Variants in PRRC2C observed in about 807,000 individuals in gnomAD.
PRRC2C encodes protein PRRC2C.
Under a neutral mutation model 317.2 loss-of-function variants are expected in PRRC2C, and 72 were observed. That is an observed-to-expected ratio of 0.23 (90% CI 0.19 to 0.28). PRRC2C has a LOEUF of 0.28. PRRC2C is among the 10% of genes least tolerant of loss of function. The pLI, the probability that PRRC2C is intolerant of heterozygous loss-of-function variation, is 1.00. For synonymous variants in PRRC2C, 1,296 were observed against 1,205.9 expected, an observed-to-expected ratio of 1.07 and a Z score of -1.55; for missense variants, 3,074 against 3,459.7, an observed-to-expected ratio of 0.89 and a Z score of 2.80.
intron 1 of PRRC2C, among the ~76,000 whole-genome samples, chr1:171,505,543 T>C (rs1670016186): frequency 1.3e-5 from 2 of 151,078 alleles, no homozygotes; most frequent in Non-Finnish European, 2.9e-5. Flanking sequence ...CCCTTCCAAT[T>C]TGAATTTTTT....
rs1676130216 is a variant in PRRC2C, at chr1:171,532,901, A to G, written c.1813A>G (p.Arg605Gly). Reference sequence around the variant, plus strand: ...AAAATTAGAGGAGAAAATTGAACCCAGAGAACCTAATTTAGAGCCCATGGT... The same window carrying G: ...AAAATTAGAGGAGAAAATTGAACCCGGAGAACCTAATTTAGAGCCCATGGT... ...REKLEEKIEP[R>G]EPNLEPMVEK... The change falls in exon 12 of 35, where the codon AGA (arginine) becomes GGA (glycine). Residue 605 changes from arginine (R) to glycine (G), a missense_variant. By Grantham distance (125) the Arg-to-Gly change is moderately radical. Around this residue, in one of 11 missense-constraint regions of PRRC2C, gnomAD observed 1,320 missense variants for 1,395.7 expected, o/e 0.95. Coordinates refer to ENST00000647382, the MANE Select transcript of PRRC2C (RefSeq NM_001387844.1). 6 of 1,577,640 alleles carry G rather than the reference A, an allele frequency of 3.8e-6. No homozygotes were observed. Among genetic ancestry groups the G allele is most frequent in the African/African-American group, 2.8e-5 (2 of 72,408 alleles).
intron 1 of PRRC2C, among the ~76,000 whole-genome samples, chr1:171,497,168 A>G (rs1417609823): frequency 1.3e-5 from 2 of 152,162 alleles, no homozygotes; most frequent in Admixed American, 6.5e-5. Context: ...CTATATTGTA[A>G]TGCAGTATGT....
At chr1:171,496,774 C>CGTGT (rs71688813) in intron 1 of PRRC2C, among the ~76,000 whole-genome samples, 7,480 of 146,788 alleles carry the variant, frequency 0.051, 251 homozygotes, top group African/African-American at 0.092. Context: ...ACATTTGGGG[C>CGTGT]GTGTGTGTGT....
chr1:171,486,516 T>C (rs1396177824), intron 1 of PRRC2C, among the ~76,000 whole-genome samples: 1 of 152,130 alleles, frequency 6.6e-6, no homozygotes, highest in African/African-American at 2.4e-5. Context: ...CTTCCTTCCT[T>C]TGCATGAGAG....
chr1:171,535,445 A>C lies in PRRC2C; in HGVS notation c.1891A>C (p.Thr631Pro), dbSNP rs751349754. The change falls in exon 13 of 35, where the codon ACT becomes CCT. Residue 631 changes from threonine to proline, a missense_variant. This residue lies in a region of PRRC2C where 1,320 missense variants were observed against 1,395.7 expected (regional missense o/e 0.95). Transcript: ENST00000647382. ...TTGAGCAGAGGAGGAACCCGTTTTC[A>C]CTAGACAAGACAGCAATCGCAGTGA... is the stretch of plus-strand genomic sequence containing the variant. ...SCNKEEEPVF[T>P]RQDSNRSEKE... 6.2e-7 allele frequency: 1 copy of C among 1,613,262 alleles called. No individual in the cohort carries two copies. The highest frequency in any genetic ancestry group is 2.2e-5 in the East Asian group (1 of 44,876).
Position 171,591,792 on chromosome 1 carries a change from T to C in PRRC2C, c.8642T>C (p.Val2881Ala). ...GCACCCTCCATAGCCACCAAACCTGTTAGAACTGGACCAATCAAACCTCAG... is the reference window on the plus strand; with the variant it reads ...GCACCCTCCATAGCCACCAAACCTGCTAGAACTGGACCAATCAAACCTCAG... The part of the protein sequence containing the change: ...PPAPSIATKP[V>A]RTGPIKPQAI... The change falls in exon 35 of 35, where the codon GTT (valine) becomes GCT (alanine). Residue 2881 changes from valine (V) to alanine (A), a missense_variant. This residue lies in a region of PRRC2C where 78 missense variants were observed against 97.7 expected (regional missense o/e 0.80). Coordinates refer to ENST00000647382, the MANE Select transcript of PRRC2C (RefSeq NM_001387844.1). 6.2e-7 allele frequency: 1 copy of C among 1,609,360 alleles called. No homozygotes were observed. Among genetic ancestry groups the C allele is most frequent in the Non-Finnish European group, 8.5e-7 (1 of 1,179,012 alleles).
chr1:171,489,236 G>C (rs1172145401), intron 1 of PRRC2C, among the ~76,000 whole-genome samples: 2 of 152,184 alleles, frequency 1.3e-5, no homozygotes, highest in African/African-American at 4.8e-5. Flanking sequence ...TCTAAGAATA[G>C]TATCACAGGT....
In PRRC2C at chr1:171,540,485, G is replaced by C; in HGVS notation, c.3019G>C (p.Val1007Leu). The C allele has an allele frequency of 6.2e-7, 1 of 1,613,138 alleles. No individual in the cohort carries two copies. ...PRPSSNRREE[V>L]NDRPVRRSGP... Reference sequence around the variant, plus strand: ...ACCAAGCTCTAACAGAAGGGAAGAAGTTAATGATAGACCTGTGAGAAGATC... The same window carrying C: ...ACCAAGCTCTAACAGAAGGGAAGAACTTAATGATAGACCTGTGAGAAGATC... The change falls in exon 16 of 35, where the codon GTT (valine) becomes CTT (leucine). Residue 1007 changes from valine (V) to leucine (L), a missense_variant. Physicochemically the swap from Val to Leu is conservative, Grantham distance 32. Around this residue, in one of 11 missense-constraint regions of PRRC2C, gnomAD observed 1,320 missense variants for 1,395.7 expected, o/e 0.95. Coordinates refer to ENST00000647382, the MANE Select transcript of PRRC2C (RefSeq NM_001387844.1).
At position 171,566,259 on chromosome 1, in the gene PRRC2C, A is replaced by G. The variant is rs141290800; in HGVS notation, c.6144A>G (p.Gly2048=). 6.1e-4 allele frequency: 986 copies of G among 1,611,374 alleles called. 6 individuals carry two copies. The African/African-American group carries it at 8.0e-3, about 13-fold the overall frequency. The change falls in exon 21 of 35, where the codon GGA becomes GGG. Residue 2048 remains glycine, a synonymous_variant. Coordinates refer to ENST00000647382, the MANE Select transcript of PRRC2C (RefSeq NM_001387844.1). ...SEGAKNGQES[G]LEIGTDTIQF... ...GAGCGAAGAATGGTCAAGAAAGTGGACTCGAAATTGGAACTGACACAATTC... is the reference window on the plus strand; with the variant it reads ...GAGCGAAGAATGGTCAAGAAAGTGGGCTCGAAATTGGAACTGACACAATTC...
chr1:171,541,649 A>G lies in PRRC2C; in HGVS notation c.4183A>G (p.Arg1395Gly), dbSNP rs1460114054. The G allele has an allele frequency of 6.2e-7, 1 of 1,613,876 alleles. No individual in the cohort carries two copies. The highest frequency in any genetic ancestry group is 1.1e-5 in the South Asian group (1 of 91,074). The stretch of plus-strand genomic sequence containing the variant: ...ACCAGAAGATGGAGAGCCGCCAAGA[A>G]GACATGAGCAGTTTATTCCTATAGC... Reference protein sequence around the residue: ...PKPEDGEPPRRHEQFIPIAAD... With the variant: ...PKPEDGEPPRGHEQFIPIAAD... Residue 1395 changes from arginine (R) to glycine (G), a missense_variant, in exon 16 of 35, where the codon AGA becomes GGA. Coordinates refer to ENST00000647382, the MANE Select transcript of PRRC2C (RefSeq NM_001387844.1). This position sits in a 1 kb window ranked among gnomAD's most constrained non-coding sequence, Gnocchi z 4.1.
At chr1:171,586,530 G>A (rs1463476765) in intron 30 of PRRC2C, among the ~76,000 whole-genome samples, 1 of 142,866 alleles carries the variant, frequency 7.0e-6, no homozygotes, top group Non-Finnish European at 1.6e-5. Context: ...ATTAGTAGAT[G>A]GATGTGTTCT....
rs572999880 is a variant in PRRC2C, at chr1:171,591,572, T to C, written c.8437-15T>C. On this transcript the variant is annotated splice_polypyrimidine_tract_variant and intron_variant, in intron 34 of 34. Transcript: ENST00000647382. Reference sequence around the variant, plus strand: ...ATGCTGCAGTATTTTCAGTTGTTCTTTCTCATTTTTTAAGGCAAAGCAGAG... The same window carrying C: ...ATGCTGCAGTATTTTCAGTTGTTCTCTCTCATTTTTTAAGGCAAAGCAGAG... 6 of 1,606,678 alleles carry C rather than the reference T, an allele frequency of 3.7e-6. No individual in the cohort carries two copies. In the East Asian group the frequency reaches 1.3e-4, roughly 36 times the overall value.
intron 23 of PRRC2C, among the ~76,000 whole-genome samples, chr1:171,568,618 A>G (rs561434680): frequency 1.6e-4 from 25 of 152,172 alleles, no homozygotes; most frequent in Non-Finnish European, 3.7e-4. Context: ...TTAACCTGGT[A>G]TTGGTAAGAA....
At chr1:171,536,408 C>A in intron 14 of PRRC2C, 130 bp downstream of exon 14, 1 of 1,048,344 alleles carries the variant, frequency 9.5e-7, no homozygotes, top group Non-Finnish European at 1.4e-6. Context: ...AATGATGTAA[C>A]TTTCAGCATC....
intron 27 of PRRC2C, 138 bp from the exon 28 acceptor site, chr1:171,579,690 C>T: frequency 7.8e-7 from 1 of 1,284,702 alleles, no homozygotes; most frequent in Non-Finnish European, 1.0e-6. Context: ...TGTTTACATT[C>T]AGTTTTGTTT....
At chr1:171,538,938 T>A (rs1006469626) in intron 15 of PRRC2C, among the ~76,000 whole-genome samples, 10 of 152,052 alleles carry the variant, frequency 6.6e-5, no homozygotes, top group African/African-American at 2.4e-4. Flanking sequence ...CTCAAACTCC[T>A]GGGGCCCTAG....
intron 11 of PRRC2C, among the ~76,000 whole-genome samples, chr1:171,530,570 T>A (rs187039709): frequency 7.3e-4 from 111 of 152,198 alleles, no homozygotes; most frequent in African/African-American, 2.7e-3. Flanking sequence ...ATTTTTTTTT[T>A]AATATCTTAC....
chr1:171,535,449 G>A lies in PRRC2C; in HGVS notation c.1895G>A (p.Arg632Lys), dbSNP rs960424139. 3 of 1,613,590 alleles carry A rather than the reference G, an allele frequency of 1.9e-6. No individual in the cohort carries two copies. Among genetic ancestry groups the A allele is most frequent in the African/African-American group, 2.7e-5 (2 of 74,872 alleles). Residue 632 changes from arginine (R) to lysine (K), a missense_variant, in exon 13 of 35, where the codon AGA (arginine) becomes AAA (lysine). Coordinates refer to ENST00000647382, the MANE Select transcript of PRRC2C (RefSeq NM_001387844.1). ...GCAGAGGAGGAACCCGTTTTCACTA[G>A]ACAAGACAGCAATCGCAGTGAAAAG... ...CNKEEEPVFT[R>K]QDSNRSEKEA...
chr1:171,569,077 A>G (rs989897426), intron 23 of PRRC2C, among the ~76,000 whole-genome samples: 2 of 152,146 alleles, frequency 1.3e-5, no homozygotes, highest in African/African-American at 4.8e-5. Flanking sequence ...ATACAGTGTC[A>G]TTTATTTAGA....
Sources: gnomAD v4.1 joint callset for allele counts (sites outside exome capture counted in the v4.1 genomes callset) on GRCh38, gnomAD v4.1.1 for gene constraint, gnomAD v4.1.1 regional missense constraint, Gnocchi (gnomAD v3.1) non-coding constraint, MANE v1.5 for transcripts, NCBI Gene and HGNC (gene_info 2026-07-23, HGNC 2026-07-21) for gene names.